The following UBP1 variants were observed in gnomAD, a reference collection of about 807,000 sequenced individuals.
UBP1 encodes upstream-binding protein 1.
Under a neutral mutation model 76.1 loss-of-function variants are expected in UBP1, and 22 were observed. The observed-to-expected ratio is 0.29, with a 90% CI of 0.21 to 0.41. The LOEUF is 0.41. UBP1 is among the 10% of genes least tolerant of loss of function. UBP1 has a pLI of 1.00. For synonymous variants in UBP1, 224 were observed against 237.1 expected (o/e 0.94, Z 0.51); for missense variants, 436 against 668.1 (o/e 0.65, Z 3.83).
At chr3:33,411,453 T>TATA (rs142112653) in intron 5 of UBP1, 128 bp downstream of exon 5, 12,114 of 747,178 alleles carry the variant, frequency 0.016, 142 homozygotes, top group South Asian at 0.025. Flanking sequence ...TAACTATGTA[T>TATA]ATAGAAAGAC....
chr3:33,406,092 A>G (rs2044412879), intron 8 of UBP1, among the ~76,000 whole-genome samples: 1 of 152,234 alleles, frequency 6.6e-6, no homozygotes, highest in Non-Finnish European at 1.5e-5. Context: ...TACATTTTAC[A>G]CAACAATGCC....
At position 33,406,227 on chromosome 3, in the gene UBP1, A is replaced by G. The variant is rs545404261; in HGVS notation, c.927+2463T>C. 2.0e-5 allele frequency among the ~76,000 whole-genome samples: 3 copies of G among 152,318 alleles called. No individual in the cohort carries two copies. The South Asian group carries it at 6.2e-4, about 32-fold the overall frequency. Reference sequence around the variant, plus strand: ...AGATTGAGGTCAGCCTTGGCAATACAGTGAAAGCCCATCTCAAAAAAATAA... The same window carrying G: ...AGATTGAGGTCAGCCTTGGCAATACGGTGAAAGCCCATCTCAAAAAAATAA... On this transcript the variant is annotated intron_variant, in intron 8 of 15. Transcript: ENST00000283629.
chr3:33,429,077 T>C (rs2045068962), intron 1 of UBP1, among the ~76,000 whole-genome samples: 1 of 152,220 alleles, frequency 6.6e-6, no homozygotes, highest in Non-Finnish European at 1.5e-5. Flanking sequence ...GTATCTGCTA[T>C]AAGCACGTAA....
In UBP1 at chr3:33,439,789, G is replaced by C; in HGVS notation, c.60C>G (p.Asp20Glu). The C allele has an allele frequency of 2.5e-6, 4 of 1,612,748 alleles. No individual in the cohort carries two copies. The highest frequency in any genetic ancestry group is 3.4e-6 in the Non-Finnish European group (4 of 1,179,690). The change falls in exon 1 of 16, where the codon GAC becomes GAG. Residue 20 changes from aspartate to glutamate, a missense_variant. Asp to Glu is a conservative substitution (Grantham distance 45). Around this residue, in one of 3 missense-constraint regions of UBP1, gnomAD observed 161 missense variants for 237.9 expected, o/e 0.68. Coordinates refer to ENST00000283629, the MANE Select transcript of UBP1 (RefSeq NM_014517.5). The part of the protein sequence containing the change: ...VIESGLVHDF[D>E]ASLSGIGQEL... ...CCTGCCCGATGCCCGAGAGGCTGGC[G>C]TCGAAGTCGTGCACCAGCCCGGACT...
At chr3:33,416,548 C>T (rs995769512) in intron 3 of UBP1, among the ~76,000 whole-genome samples, 4 of 152,158 alleles carry the variant, frequency 2.6e-5, no homozygotes, top group Non-Finnish European at 5.9e-5. Flanking sequence ...ACTAACTTTT[C>T]TATTGCTCCT....
chr3:33,425,391 C>G (rs1478045110), intron 2 of UBP1, among the ~76,000 whole-genome samples, 199 bp downstream of exon 2: 1 of 152,148 alleles, frequency 6.6e-6, no homozygotes, highest in African/African-American at 2.4e-5. Context: ...CTCCTCAGAC[C>G]CTCTTTAATG....
rs1274466680 is a variant in UBP1, at chr3:33,393,329, T to C, written c.1516A>G (p.Ile506Val). 6 of 1,606,846 alleles carry C rather than the reference T, an allele frequency of 3.7e-6. No individual in the cohort carries two copies. Among genetic ancestry groups the C allele is most frequent in the Non-Finnish European group, 4.2e-6 (5 of 1,177,480 alleles). Reference sequence around the variant, plus strand: ...TGATTTACCTGATCACTAACAAGAATGTGAATACCGGTGGGACCCTGTCTG... The same window carrying C: ...TGATTTACCTGATCACTAACAAGAACGTGAATACCGGTGGGACCCTGTCTG... Reference protein sequence around the residue: ...VYRQGPTGIHILVSDQMVQNF... With the variant: ...VYRQGPTGIHVLVSDQMVQNF... Residue 506 changes from isoleucine to valine, a missense_variant, in exon 14 of 16, where the codon ATT (isoleucine) becomes GTT (valine). Ile to Val is a conservative substitution (Grantham distance 29, BLOSUM62 3). Around this residue, in one of 3 missense-constraint regions of UBP1, gnomAD observed 210 missense variants for 272.8 expected, o/e 0.77. Transcript: ENST00000283629.
chr3:33,422,685 A>T (rs79389079), intron 2 of UBP1, among the ~76,000 whole-genome samples: 4,614 of 145,278 alleles, frequency 0.032, 87 homozygotes, highest in Middle Eastern at 0.15. Flanking sequence ...TGATTGTACC[A>T]CTACACTCCA....
intron 2 of UBP1, 93 bp downstream of exon 2, chr3:33,425,497 T>A: frequency 7.9e-7 from 1 of 1,258,864 alleles, no homozygotes; most frequent in Non-Finnish European, 1.0e-6. Context: ...ACCTAATTTT[T>A]AATTATTACC....
intron 5 of UBP1, among the ~76,000 whole-genome samples, chr3:33,409,903 CCCACCT>C (rs936405596): frequency 1.3e-5 from 2 of 152,170 alleles, no homozygotes; most frequent in Non-Finnish European, 2.9e-5. Flanking sequence ...ATGTATACTG[CCCACCT>C]CCACCTTGGA....
chr3:33,432,310 T>C (rs2045128211), intron 1 of UBP1, among the ~76,000 whole-genome samples: 1 of 152,186 alleles, frequency 6.6e-6, no homozygotes, highest in Non-Finnish European at 1.5e-5. Context: ...GGTAACACAG[T>C]GTGACCCTCT....
chr3:33,403,607 C>CTTCT (rs1217917291), intron 8 of UBP1: 1 of 124,750 alleles, frequency 8.0e-6, no homozygotes, highest in Non-Finnish European at 1.6e-5. Flanking sequence ...TCTATCTTTC[C>CTTCT]TTCTTTCTTT....
intron 1 of UBP1, among the ~76,000 whole-genome samples, chr3:33,426,497 T>C (rs924946378): frequency 7.2e-5 from 11 of 152,176 alleles, no homozygotes; most frequent in Non-Finnish European, 1.5e-4. Context: ...TGGTTTTAAG[T>C]ATATTCACAT....
chr3:33,419,222 G>C (rs995346496), intron 2 of UBP1, among the ~76,000 whole-genome samples: 2 of 152,008 alleles, frequency 1.3e-5, no homozygotes, highest in African/African-American at 4.8e-5. Flanking sequence ...TGGCCAAGTG[G>C]AGTGGCTCAC....
At chr3:33,392,714 A>G (rs1426275280) in intron 14 of UBP1, 100 bp from the exon 15 acceptor site, 47 of 1,105,658 alleles carry the variant, frequency 4.3e-5, no homozygotes, top group Non-Finnish European at 5.9e-5. Flanking sequence ...CAAACACAGG[A>G]CTCAATGGCC....
In UBP1 at chr3:33,402,868, T is replaced by G. The variant is rs780825951; in HGVS notation, c.964A>C (p.Asn322His). The change falls in exon 9 of 16, where the codon AAT (asparagine) becomes CAT (histidine). Residue 322 changes from asparagine (N) to histidine (H), a missense_variant. Asn to His is a moderately conservative substitution (Grantham distance 68, BLOSUM62 1). This residue lies in a region of UBP1 where 210 missense variants were observed against 272.8 expected (regional missense o/e 0.77). Transcript: ENST00000283629. ...PWPDAPTAYV[N>H]NSPSPAPTFT... ...GTGGGCGCTGGGGAAGGGCTGTTAT[T>G]CACATAGGCTGTGGGGGCATCGGGC... The G allele has an allele frequency of 6.2e-7, 1 of 1,610,614 alleles. No individual in the cohort carries two copies. The highest frequency in any genetic ancestry group is 8.5e-7 in the Non-Finnish European group (1 of 1,178,760).
chr3:33,416,797 T>C lies in UBP1; in HGVS notation c.303A>G (p.Lys101=), dbSNP rs1048278163. ...CATTGATCTCAGGCATATCACCCAT[T>C]TTCCGATTATCCAGCATCCGAATTT... ...SYEIRMLDNR[K]MGDMPEINGK... The change falls in exon 3 of 16, where the codon AAA becomes AAG. Residue 101 remains lysine (K), a synonymous_variant. Transcript: ENST00000283629. 2.5e-6 allele frequency: 4 copies of C among 1,613,730 alleles called. No homozygotes were observed. Among genetic ancestry groups the C allele is most frequent in the Middle Eastern group, 1.7e-4 (1 of 6,056 alleles).
rs2043677575 is a variant in UBP1 at position 33,389,608 on chromosome 3, G to A, written c.*723C>T. On this transcript the variant is annotated 3_prime_UTR_variant, in exon 16 of 16. Transcript: ENST00000283629. The stretch of plus-strand genomic sequence containing the variant: ...TAAAATGCTAAAAATGGAAGCAGAA[G>A]CAAAAAAGTTTTTCAATAAATCTGT... The A allele has an allele frequency of 6.6e-6, 1 of 152,060 alleles. No individual in the cohort carries two copies. Among genetic ancestry groups the A allele is most frequent in the Admixed American group, 6.6e-5 (1 of 15,260 alleles). The allele number at this position is 152,060 out of a possible 1,614,324, so 9.4% of individuals were successfully genotyped here.
rs191922557 is a variant in UBP1 at position 33,418,567 on chromosome 3, T to C, written c.266-1733A>G. On this transcript the variant is annotated intron_variant, in intron 2 of 15. Coordinates refer to ENST00000283629, the MANE Select transcript of UBP1 (RefSeq NM_014517.5). ...AGCCACCGCACCCGGCCATAAGAAG[T>C]ATTTAATTAGGCTGCGCGCAGTGGC... Among the ~76,000 whole-genome samples, 33 of 151,918 alleles carry C rather than the reference T, an allele frequency of 2.2e-4. No individual in the cohort carries two copies. In the East Asian group the frequency reaches 5.9e-3, roughly 27 times the overall value.
Sources: allele counts gnomAD v4.1 joint callset (sites outside exome capture counted in the v4.1 genomes callset), GRCh38; gene constraint gnomAD v4.1.1; regional missense constraint gnomAD v4.1.1; transcripts MANE v1.5; gene names NCBI Gene and HGNC (gene_info 2026-07-23, HGNC 2026-07-21).